Variants in FERRY3 observed in about 807,000 individuals in gnomAD.
FERRY3 encodes protein C12orf4.
At chr12:4,526,643 A>G in the FERRY3 span, among the ~76,000 whole-genome samples, 1 of 152,086 alleles carries the variant, frequency 6.6e-6, no homozygotes, top group South Asian at 2.1e-4. Flanking sequence ...GGAGTTCAAG[A>G]CCAGCCTGGC....
the FERRY3 span, among the ~76,000 whole-genome samples, chr12:4,509,850 T>A: frequency 7.2e-6 from 1 of 138,790 alleles, no homozygotes; most frequent in Admixed American, 6.8e-5. Context: ...TCTCTCCTCC[T>A]CCAAAGGAAC....
At chr12:4,489,788 C>A in the FERRY3 span, 5 of 1,525,490 alleles carry the variant, frequency 3.3e-6, no homozygotes, top group Non-Finnish European at 4.5e-6. Context: ...CTTCTGCCAG[C>A]ATGTCAATCT....
the FERRY3 span, chr12:4,508,737 C>CT: frequency 2.0e-5 from 3 of 149,986 alleles, no homozygotes; most frequent in East Asian, 5.8e-4. Context: ...GAGTGAGACT[C>CT]TGTCTCAAAA....
At chr12:4,489,635 G>C in the FERRY3 span, 1 of 459,560 alleles carries the variant, frequency 2.2e-6, no homozygotes, top group Non-Finnish European at 3.9e-6. Context: ...TTGATCACCA[G>C]TTTGTGCAGT....
the FERRY3 span, among the ~76,000 whole-genome samples, chr12:4,527,080 CAG>C: frequency 6.6e-6 from 1 of 151,950 alleles, no homozygotes; most frequent in East Asian, 1.9e-4. Context: ...TATTTAGAAA[CAG>C]AAATAACTGC....
chr12:4,511,597 G>A, the FERRY3 span, among the ~76,000 whole-genome samples: 228 of 149,144 alleles, frequency 1.5e-3, 4 homozygotes, highest in African/African-American at 4.8e-3. Flanking sequence ...ACTCAAAGCC[G>A]CTCAACTACA....
chr12:4,513,719 C>T, the FERRY3 span, among the ~76,000 whole-genome samples: 1 of 152,170 alleles, frequency 6.6e-6, no homozygotes, highest in Non-Finnish European at 1.5e-5. Flanking sequence ...GGATCCCGTC[C>T]TTACACCTTA....
At chr12:4,518,785 G>T in the FERRY3 span, 2 of 1,570,576 alleles carry the variant, frequency 1.3e-6, no homozygotes, top group Non-Finnish European at 1.7e-6. Flanking sequence ...TAAGTGAATG[G>T]TAAAACTTTC....
At chr12:4,500,241 C>T in the FERRY3 span, 15 of 1,613,816 alleles carry the variant, frequency 9.3e-6, no homozygotes, top group Admixed American at 6.7e-5. Context: ...GGCAGGATCA[C>T]GAGCAGTGAT....
At chr12:4,502,487 C>G in the FERRY3 span, 3 of 431,682 alleles carry the variant, frequency 6.9e-6, no homozygotes, top group African/African-American at 6.2e-5. This position sits in a 1 kb window ranked among gnomAD's most constrained non-coding sequence, Gnocchi z 4.2. Context: ...TAGTTCCTAT[C>G]AATATAAAGA....
chr12:4,537,846 T>A, the FERRY3 span, among the ~76,000 whole-genome samples: 3 of 152,126 alleles, frequency 2.0e-5, no homozygotes, highest in Non-Finnish European at 4.4e-5. Flanking sequence ...TATATCCAAA[T>A]ACACACACAC....
the FERRY3 span, among the ~76,000 whole-genome samples, chr12:4,519,802 T>A: frequency 7.9e-5 from 12 of 152,316 alleles, no homozygotes; most frequent in African/African-American, 2.9e-4. This position sits in a 1 kb window ranked among gnomAD's most constrained non-coding sequence, Gnocchi z 4.3. Flanking sequence ...TATTGTGAAC[T>A]GCGCATGCAA....
chr12:4,508,336 GA>G, the FERRY3 span, among the ~76,000 whole-genome samples: 1 of 152,118 alleles, frequency 6.6e-6, no homozygotes, highest in Non-Finnish European at 1.5e-5. Context: ...ACAAAGAAAA[GA>G]AAGAAAAAAG....
the FERRY3 span, among the ~76,000 whole-genome samples, chr12:4,516,562 G>T: frequency 2.0e-5 from 3 of 152,172 alleles, no homozygotes; most frequent in Non-Finnish European, 4.4e-5. Context: ...CCTTTGCAGG[G>T]ACATGGATGG....
chr12:4,522,664 G>A, the FERRY3 span, among the ~76,000 whole-genome samples: 2 of 152,212 alleles, frequency 1.3e-5, no homozygotes, highest in Non-Finnish European at 2.9e-5. Flanking sequence ...CCATTCCTAG[G>A]GGAGAGGGAT....
chr12:4,515,087 T>C, the FERRY3 span, among the ~76,000 whole-genome samples: 5 of 151,982 alleles, frequency 3.3e-5, no homozygotes. Flanking sequence ...TAATAATAAA[T>C]AAATAAAGAA....
At chr12:4,495,787 G>A in the FERRY3 span, among the ~76,000 whole-genome samples, 4 of 152,092 alleles carry the variant, frequency 2.6e-5, no homozygotes, top group African/African-American at 9.7e-5. Flanking sequence ...TAATAGCATG[G>A]TCTAGAGCAA....
chr12:4,527,911 T>C, the FERRY3 span, among the ~76,000 whole-genome samples: 1 of 147,818 alleles, frequency 6.8e-6, no homozygotes, highest in Non-Finnish European at 1.5e-5. Flanking sequence ...AACTATTCCA[T>C]GAAAAAAAAA....
chr12:4,528,627 G>C, the FERRY3 span, among the ~76,000 whole-genome samples: 1 of 152,084 alleles, frequency 6.6e-6, no homozygotes, highest in African/African-American at 2.4e-5. Context: ...AAGTGGTCCA[G>C]AGGAGTACAA....
Sources: allele counts gnomAD v4.1 joint callset (sites outside exome capture counted in the v4.1 genomes callset), GRCh38; gene constraint gnomAD v4.1.1; non-coding constraint Gnocchi (gnomAD v3.1); transcripts MANE v1.5; gene names NCBI Gene and HGNC (gene_info 2026-07-23, HGNC 2026-07-21).